Variants in KIAA0825 observed in about 807,000 individuals in gnomAD.
KIAA0825 encodes KIAA0825.
A neutral mutation model predicts 147.6 loss-of-function variants in KIAA0825; 119 were observed. The ratio of observed to expected loss-of-function variants is 0.81; its 90% CI spans 0.69 to 0.94. The LOEUF (loss-of-function observed/expected upper bound fraction) is 0.94, where lower values mean the gene tolerates loss of function less well. KIAA0825 is among the 40% of genes least tolerant of loss of function. The pLI is 0.00. For missense variants in KIAA0825, 1,381 were observed against 1,472.7 expected (o/e 0.94, Z 1.02); for synonymous variants, 470 against 518.1 (o/e 0.91, Z 1.26).
intron 1 of KIAA0825, among the ~76,000 whole-genome samples, chr5:94,599,957 G>T (rs1414357476): frequency 2.6e-5 from 4 of 152,068 alleles, no homozygotes; most frequent in Non-Finnish European, 4.4e-5. Context: ...AAAAAGGGGG[G>T]AACTAGTACA....
chr5:94,329,792 T>C (rs1319509201), intron 20 of KIAA0825, among the ~76,000 whole-genome samples: 1 of 152,034 alleles, frequency 6.6e-6, no homozygotes. Context: ...TCAGAAACTC[T>C]ATAGCAGGTA....
intron 20 of KIAA0825, among the ~76,000 whole-genome samples, chr5:94,381,351 CA>C (rs1244704057): frequency 6.6e-6 from 1 of 152,282 alleles, no homozygotes; most frequent in East Asian, 1.9e-4. Context: ...TGAATTCAGT[CA>C]ACCTCAGATA....
intron 20 of KIAA0825, among the ~76,000 whole-genome samples, chr5:94,196,710 A>C (rs539925464): frequency 7.2e-5 from 11 of 152,274 alleles, no homozygotes; most frequent in Non-Finnish European, 1.5e-4. Context: ...ATAAATTAGA[A>C]CTTGCAGTAT....
Position 94,557,177 on chromosome 5 carries a change from G to C in KIAA0825, c.-1-20050C>G, listed in dbSNP as rs113465966. On this transcript the variant is annotated intron_variant, in intron 2 of 20. Coordinates refer to ENST00000682413, the MANE Select transcript of KIAA0825 (RefSeq NM_001145678.3). Reference sequence around the variant, plus strand: ...TGCCCAGGCCTAAGTGCAGTGGCACGATCACAGTTCACTGCAGCCTTGACC... The same window carrying C: ...TGCCCAGGCCTAAGTGCAGTGGCACCATCACAGTTCACTGCAGCCTTGACC... Among the ~76,000 whole-genome samples, 138 of 152,086 alleles carry C rather than the reference G, an allele frequency of 9.1e-4. 1 individual carries two copies. The highest frequency in any genetic ancestry group is 3.2e-3 in the African/African-American group (133 of 41,478).
chr5:94,592,274 T>G (rs2152394753), intron 1 of KIAA0825, among the ~76,000 whole-genome samples: 1 of 152,282 alleles, frequency 6.6e-6, no homozygotes, highest in African/African-American at 2.4e-5. Context: ...GTACAGGTAT[T>G]GGGTAAATAC....
chr5:94,528,778 A>T (rs952416313), intron 3 of KIAA0825, among the ~76,000 whole-genome samples: 2 of 149,540 alleles, frequency 1.3e-5, no homozygotes, highest in African/African-American at 4.9e-5. Flanking sequence ...AAGAATAAGT[A>T]AATGTGCTCC....
chr5:94,280,304 A>T (rs1408458246), intron 20 of KIAA0825, among the ~76,000 whole-genome samples: 1 of 152,094 alleles, frequency 6.6e-6, no homozygotes, highest in African/African-American at 2.4e-5. Flanking sequence ...CTATACCAGA[A>T]ATACAGTTTT....
intron 20 of KIAA0825, among the ~76,000 whole-genome samples, chr5:94,279,685 C>G (rs1312132250): frequency 6.6e-6 from 1 of 151,998 alleles, no homozygotes; most frequent in Non-Finnish European, 1.5e-5. Context: ...CTCTTCCCTA[C>G]TGAATGCCTA....
rs188037462 is a variant in KIAA0825, at chr5:94,474,859, G to A, written c.1228-1340C>T. Among the ~76,000 whole-genome samples the A allele has an allele frequency of 1.1e-4, 17 of 152,128 alleles. No homozygotes were observed. The South Asian group carries it at 1.5e-3, about 13-fold the overall frequency. ...TCCCAGCACTTTGGGAGGCCAAGGC[G>A]AGCAGACCACTTGAGGTCAGGAGAT... On this transcript the variant is annotated intron_variant, in intron 7 of 20. Transcript: ENST00000682413.
intron 14 of KIAA0825, among the ~76,000 whole-genome samples, chr5:94,439,009 A>G (rs1394742035): frequency 3.3e-5 from 5 of 152,210 alleles, no homozygotes; most frequent in Non-Finnish European, 1.5e-5. Flanking sequence ...GACTGGTGGA[A>G]GCCAAGTTGT....
At chr5:94,576,911 C>T (rs1172541543) in intron 2 of KIAA0825, among the ~76,000 whole-genome samples, 1 of 152,030 alleles carries the variant, frequency 6.6e-6, no homozygotes, top group Non-Finnish European at 1.5e-5. Flanking sequence ...AAAAATTTAA[C>T]TCTTCTTAAA....
At chr5:94,596,777 G>T (rs1785395931) in intron 1 of KIAA0825, among the ~76,000 whole-genome samples, 1 of 152,034 alleles carries the variant, frequency 6.6e-6, no homozygotes, top group Admixed American at 6.6e-5. Context: ...AATTGTCATT[G>T]TAGAGATCTT....
At chr5:94,374,738 C>A (rs1332680889) in intron 20 of KIAA0825, among the ~76,000 whole-genome samples, 1 of 152,324 alleles carries the variant, frequency 6.6e-6, no homozygotes, top group African/African-American at 2.4e-5. Context: ...AATCCTCCTT[C>A]GCCCTCACCT....
intron 20 of KIAA0825, among the ~76,000 whole-genome samples, chr5:94,260,262 T>C (rs1022106287): frequency 6.6e-6 from 1 of 152,138 alleles, no homozygotes; most frequent in African/African-American, 2.4e-5. Context: ...AATGGCGCAA[T>C]TTGGAACTAA....
At chr5:94,567,008 C>T (rs1481752513) in intron 2 of KIAA0825, among the ~76,000 whole-genome samples, 1 of 152,056 alleles carries the variant, frequency 6.6e-6, no homozygotes. Flanking sequence ...GCTGCAAAAC[C>T]ATAACCTTTC....
chr5:94,293,539 T>C (rs557534743), intron 20 of KIAA0825, among the ~76,000 whole-genome samples: 1 of 152,318 alleles, frequency 6.6e-6, no homozygotes, highest in South Asian at 2.1e-4. Flanking sequence ...AATTATGTGA[T>C]CAATTTTAGA....
chr5:94,594,284 G>T, intron 1 of KIAA0825: 1 of 635,830 alleles, frequency 1.6e-6, no homozygotes, highest in Non-Finnish European at 3.1e-6. Context: ...CTGAGTTTCA[G>T]ATCCCATGGT....
intron 18 of KIAA0825, among the ~76,000 whole-genome samples, chr5:94,389,539 T>C (rs1459610495): frequency 1.3e-5 from 2 of 152,260 alleles, no homozygotes; most frequent in Non-Finnish European, 2.9e-5. Context: ...TTTTCCCTGA[T>C]GACTTCTTTG....
rs1562283893 is a variant in KIAA0825 at position 94,152,835 on chromosome 5, AAAAAAAAAAAAAAAAAAAAATTATATAT to A, written c.*1144_*1171del. ...GTTTCTAAAATGAAAAAAAAAAAAA[AAAAAAAAAAAAAAAAAAAAATTATATAT>A]ATATATATATATATATATATATATA... On this transcript the variant is annotated 3_prime_UTR_variant, in exon 21 of 21. Coordinates refer to ENST00000682413, the MANE Select transcript of KIAA0825 (RefSeq NM_001145678.3). The A allele has an allele frequency of 6.9e-5, 2 of 28,910 alleles. No individual in the cohort carries two copies. The highest frequency in any genetic ancestry group is 1.4e-4 in the Non-Finnish European group (2 of 13,942). The allele number at this position is 28,910 out of a possible 1,614,324, so 1.8% of individuals were successfully genotyped here.
Sources: gnomAD v4.1 joint callset for allele counts (sites outside exome capture counted in the v4.1 genomes callset) on GRCh38, gnomAD v4.1.1 for gene constraint, MANE v1.5 for transcripts, NCBI Gene and HGNC (gene_info 2026-07-23, HGNC 2026-07-21) for gene names.